Variants in PACS1 observed in about 807,000 individuals in gnomAD.
PACS1 encodes the protein PACS-1.
A neutral mutation model predicts 115.0 loss-of-function variants in PACS1; 24 were observed. The ratio of observed to expected loss-of-function variants is 0.21; its 90% CI spans 0.15 to 0.29. The LOEUF is 0.29. Ranked by LOEUF, PACS1 falls within the 10% of genes least tolerant of loss-of-function variation. The pLI is 1.00. For synonymous variants in PACS1, 453 were observed against 504.5 expected (o/e 0.90, Z 1.37); for missense variants, 838 against 1,251.2 (o/e 0.67, Z 4.98).
chr11:66,072,106 A>G (rs770495857), intron 1 of PACS1, among the ~76,000 whole-genome samples: 4 of 152,188 alleles, frequency 2.6e-5, no homozygotes, highest in Non-Finnish European at 4.4e-5. Context: ...TATATTTTAT[A>G]GTTCTGAATG....
At chr11:66,183,399 C>T (rs2134658416) in intron 1 of PACS1, among the ~76,000 whole-genome samples, 1 of 152,254 alleles carries the variant, frequency 6.6e-6, no homozygotes, top group East Asian at 1.9e-4. Context: ...TCTTGGTTTA[C>T]TCTTTATGTG....
chr11:66,231,965 G>A, intron 13 of PACS1: 2 of 519,272 alleles, frequency 3.9e-6, no homozygotes, highest in Non-Finnish European at 6.9e-6. Context: ...ATCTCCATGT[G>A]TCCTCTAAGG....
chr11:66,191,954 T>C (rs1001171730), intron 1 of PACS1, among the ~76,000 whole-genome samples: 7 of 151,348 alleles, frequency 4.6e-5, no homozygotes, highest in African/African-American at 1.2e-4. Context: ...ACACGGGAGG[T>C]GGAGGCTGCA....
At chr11:66,084,509 G>A (rs1351569189) in intron 1 of PACS1, among the ~76,000 whole-genome samples, 1 of 152,002 alleles carries the variant, frequency 6.6e-6, no homozygotes, top group Non-Finnish European at 1.5e-5. Context: ...ACTGTGTGTG[G>A]AAGCAGGGAG....
intron 1 of PACS1, among the ~76,000 whole-genome samples, chr11:66,120,253 T>C (rs927366678): frequency 2.0e-5 from 3 of 148,040 alleles, no homozygotes; most frequent in Non-Finnish European, 4.4e-5. Flanking sequence ...GTGCCACCAC[T>C]CTCGGCTAAT....
intron 1 of PACS1, among the ~76,000 whole-genome samples, chr11:66,117,981 T>C (rs1858343475): frequency 6.6e-6 from 1 of 152,266 alleles, no homozygotes; most frequent in South Asian, 2.1e-4. Context: ...TCATTCACTT[T>C]TGAGACTAGT....
intron 1 of PACS1, among the ~76,000 whole-genome samples, chr11:66,132,825 C>T (rs1187244222): frequency 6.6e-6 from 1 of 152,160 alleles, no homozygotes; most frequent in African/African-American, 2.4e-5. Context: ...CATGCCACCA[C>T]GCCCAGCTAA....
intron 1 of PACS1, among the ~76,000 whole-genome samples, chr11:66,159,479 T>C (rs1380235815): frequency 6.6e-6 from 1 of 151,680 alleles, no homozygotes; most frequent in African/African-American, 2.4e-5. Flanking sequence ...TATGTGCATA[T>C]GCAAGGTGGG....
intron 1 of PACS1, among the ~76,000 whole-genome samples, chr11:66,166,791 T>C (rs1000371148): frequency 3.3e-5 from 5 of 150,414 alleles, no homozygotes; most frequent in African/African-American, 7.6e-5. Flanking sequence ...AAGGAACTTA[T>C]AATGGGCCAG....
chr11:66,195,763 A>G (rs1218958777), intron 2 of PACS1, among the ~76,000 whole-genome samples: 2 of 152,190 alleles, frequency 1.3e-5, no homozygotes, highest in Non-Finnish European at 2.9e-5. Flanking sequence ...TGTGCCAAAC[A>G]TTGTTCTAGG....
chr11:66,092,506 T>C (rs922958912), intron 1 of PACS1, among the ~76,000 whole-genome samples: 2 of 152,108 alleles, frequency 1.3e-5, no homozygotes, highest in Non-Finnish European at 1.5e-5. Context: ...TCTTTTGCTG[T>C]GCAGAAGCTC....
At chr11:66,124,167 G>A (rs547748425) in intron 1 of PACS1, among the ~76,000 whole-genome samples, 1 of 152,332 alleles carries the variant, frequency 6.6e-6, no homozygotes, top group East Asian at 1.9e-4. Flanking sequence ...CATAGAACAG[G>A]AGTGCAGTGG....
intron 7 of PACS1, chr11:66,217,116 G>GAC: frequency 2.8e-6 from 1 of 351,216 alleles, no homozygotes; most frequent in Non-Finnish European, 5.3e-6. Flanking sequence ...GCTGTCCTCT[G>GAC]CAGCGAGAAA....
Position 66,236,014 on chromosome 11 carries a change from C to T in PACS1, c.2250+74C>T. ...TCCTGTTCCCCCTTACACAGGAAAA[C>T]AAAAGATTCATCTAGAACAGTGGTT... On this transcript the variant is annotated intron_variant, in intron 19 of 23. Transcript: ENST00000320580. The surrounding 1 kb of genome is among the most constrained non-coding windows in gnomAD (Gnocchi z 4.2). The T allele has an allele frequency of 7.5e-7, 1 of 1,339,708 alleles. No individual in the cohort carries two copies. The highest frequency in any genetic ancestry group is 2.3e-5 in the East Asian group (1 of 43,630). The allele number at this position is 1,339,708 out of a possible 1,614,324, so 83.0% of individuals were successfully genotyped here.
intron 2 of PACS1, among the ~76,000 whole-genome samples, chr11:66,195,513 A>G (rs1854630675): frequency 6.6e-6 from 1 of 152,188 alleles, no homozygotes; most frequent in Non-Finnish European, 1.5e-5. Context: ...GGTGGTTTTG[A>G]AAGTTCCCCA....
chr11:66,231,959 C>G (rs556218848), intron 13 of PACS1: 99 of 510,292 alleles, frequency 1.9e-4, no homozygotes, highest in African/African-American at 1.8e-3. Context: ...TTCCTCATCT[C>G]CATGTGTCCT....
chr11:66,223,196 G>A (rs1855395984), intron 10 of PACS1, among the ~76,000 whole-genome samples: 1 of 151,918 alleles, frequency 6.6e-6, no homozygotes, highest in South Asian at 2.1e-4. Flanking sequence ...GGGTGCCAGC[G>A]ATTCTCCTGC....
At position 66,147,227 on chromosome 11, in the gene PACS1, C is replaced by T. The variant is rs77890247; in HGVS notation, c.357-46259C>T. ...ATATTCAAAGTACTGAAAGAAAAAA[C>T]GAAACAAAACAAAATTTTTATATCT... On this transcript the variant is annotated intron_variant, in intron 1 of 23. Transcript: ENST00000320580. Among the ~76,000 whole-genome samples the T allele has an allele frequency of 8.8e-3, 1,334 of 151,932 alleles. 87 individuals carry two copies. The East Asian group carries it at 0.17, about 20-fold the overall frequency.
Position 66,236,032 on chromosome 11 carries a change from C to G in PACS1, c.2250+92C>G. On this transcript the variant is annotated intron_variant, in intron 19 of 23. Transcript: ENST00000320580. The surrounding 1 kb of genome is among the most constrained non-coding windows in gnomAD (Gnocchi z 4.2). ...AGGAAAACAAAAGATTCATCTAGAACAGTGGTTCTCCAGACACTGGAGATT... is the reference window on the plus strand; with the variant it reads ...AGGAAAACAAAAGATTCATCTAGAAGAGTGGTTCTCCAGACACTGGAGATT... 1 of 1,203,088 alleles carries G rather than the reference C, an allele frequency of 8.3e-7. No homozygotes were observed. The highest frequency in any genetic ancestry group is 1.7e-5 in the Admixed American group (1 of 59,428). 74.5% of individuals were successfully genotyped at this position (1,203,088 alleles called of 1,614,324 possible).
Sources: allele counts gnomAD v4.1 joint callset (sites outside exome capture counted in the v4.1 genomes callset), GRCh38; gene constraint gnomAD v4.1.1; non-coding constraint Gnocchi (gnomAD v3.1); transcripts MANE v1.5; gene names NCBI Gene and HGNC (gene_info 2026-07-23, HGNC 2026-07-21).